The following EXOC4 variants were observed in gnomAD, a reference collection of about 807,000 sequenced individuals.
The protein encoded by EXOC4 is SEC8-like 1.
In EXOC4, 71 loss-of-function variants were observed where a neutral mutation model predicts 107.2. The ratio of observed to expected loss-of-function variants is 0.66; its 90% CI spans 0.55 to 0.81. The LOEUF is 0.81. Among genes scored for constraint, EXOC4 ranks in the 30% least tolerant of loss-of-function variants. EXOC4 has a pLI of 0.00. For missense variants in EXOC4, 1,108 were observed against 1,189.6 expected (o/e 0.93, Z 1.01); for synonymous variants, 456 against 441.2 (o/e 1.03, Z -0.42).
intron 17 of EXOC4, among the ~76,000 whole-genome samples, chr7:134,046,610 T>A (rs2116556761): frequency 6.6e-6 from 1 of 151,946 alleles, no homozygotes; most frequent in Non-Finnish European, 1.5e-5. Context: ...AGGTAGTAAG[T>A]ACGTGGTCCC....
intron 10 of EXOC4, among the ~76,000 whole-genome samples, chr7:133,765,476 T>C (rs972689000): frequency 6.6e-6 from 1 of 152,016 alleles, no homozygotes. Flanking sequence ...GAAAGCTCTA[T>C]GTGTGTCTCC....
Position 134,055,311 on chromosome 7 carries a change from C to T in EXOC4, c.2688-8980C>T, listed in dbSNP as rs191671355. Among the ~76,000 whole-genome samples, 369 of 152,240 alleles carry T rather than the reference C, an allele frequency of 2.4e-3. 1 individual carries two copies. Among genetic ancestry groups the T allele is most frequent in the African/African-American group, 8.7e-3 (360 of 41,538 alleles). ...ATAGCAGTCCTTGCGTCTTAAGACT[C>T]CCAGAGGCTGTAGTGGGTTGCAGTG... is the stretch of plus-strand genomic sequence containing the variant. On this transcript the variant is annotated intron_variant, in intron 17 of 17. Coordinates refer to ENST00000253861, the MANE Select transcript of EXOC4 (RefSeq NM_021807.4).
At chr7:133,441,727 A>G (rs1798108246) in intron 7 of EXOC4, among the ~76,000 whole-genome samples, 1 of 152,150 alleles carries the variant, frequency 6.6e-6, no homozygotes, top group Admixed American at 6.5e-5. Flanking sequence ...AGAGGCATTT[A>G]TCACTTCCTC....
At chr7:133,946,790 C>T (rs1236675972) in intron 14 of EXOC4, among the ~76,000 whole-genome samples, 1 of 152,176 alleles carries the variant, frequency 6.6e-6, no homozygotes, top group Non-Finnish European at 1.5e-5. Context: ...TGGGGTTCCC[C>T]GTGTTCCTTG....
At position 133,785,980 on chromosome 7, in the gene EXOC4, CAT is replaced by C. The variant is rs1181403926; in HGVS notation, c.1515-31344_1515-31343del. 8.5e-5 allele frequency among the ~76,000 whole-genome samples: 13 copies of C among 152,304 alleles called. No individual in the cohort carries two copies. In the South Asian group the frequency reaches 2.3e-3, roughly 27 times the overall value. ...CACTGTGTCTGGCCAGAAATGGACA[CAT>C]GTTTTATTTCCTTGGTTTCACTTTA... is the stretch of plus-strand genomic sequence containing the variant. On this transcript the variant is annotated intron_variant, in intron 10 of 17. Coordinates refer to ENST00000253861, the MANE Select transcript of EXOC4 (RefSeq NM_021807.4).
chr7:133,346,270 G>T (rs1427689018), intron 5 of EXOC4, among the ~76,000 whole-genome samples: 1 of 152,000 alleles, frequency 6.6e-6, no homozygotes, highest in Non-Finnish European at 1.5e-5. Flanking sequence ...GGCTCACCTG[G>T]CCTGTGGAGC....
At chr7:133,334,611 A>T (rs1042880674) in intron 5 of EXOC4, among the ~76,000 whole-genome samples, 1 of 152,058 alleles carries the variant, frequency 6.6e-6, no homozygotes, top group African/African-American at 2.4e-5. Flanking sequence ...TACATAGGTA[A>T]ATGTGTGTCA....
chr7:133,970,524 A>G (rs1277463845), intron 14 of EXOC4, among the ~76,000 whole-genome samples: 1 of 152,066 alleles, frequency 6.6e-6, no homozygotes, highest in Non-Finnish European at 1.5e-5. Flanking sequence ...GACTGTGGAA[A>G]AAGCATAGTA....
At chr7:133,310,976 C>T (rs992259127) in intron 4 of EXOC4, among the ~76,000 whole-genome samples, 4 of 152,060 alleles carry the variant, frequency 2.6e-5, no homozygotes, top group East Asian at 1.9e-4. Context: ...AAGGCACTTA[C>T]GTATAAAGAA....
chr7:133,277,056 G>A (rs961236346), intron 2 of EXOC4, among the ~76,000 whole-genome samples: 2 of 151,970 alleles, frequency 1.3e-5, no homozygotes, highest in Non-Finnish European at 2.9e-5. Context: ...CCGCCTCCCG[G>A]GTTCAAGCGA....
chr7:133,335,799 A>G (rs1584824639), intron 5 of EXOC4, among the ~76,000 whole-genome samples: 1 of 152,206 alleles, frequency 6.6e-6, no homozygotes, highest in African/African-American at 2.4e-5. Context: ...ATTCTCACCA[A>G]CAGTGTGTAA....
At chr7:133,994,022 G>A (rs1306030746) in intron 14 of EXOC4, among the ~76,000 whole-genome samples, 1 of 152,200 alleles carries the variant, frequency 6.6e-6, no homozygotes, top group Non-Finnish European at 1.5e-5. Context: ...CGCCAAAAAG[G>A]CAGTGTCTGC....
At chr7:133,719,213 G>A (rs1009378429) in intron 10 of EXOC4, among the ~76,000 whole-genome samples, 2 of 152,128 alleles carry the variant, frequency 1.3e-5, no homozygotes, top group South Asian at 2.1e-4. Flanking sequence ...TGCCATCCAC[G>A]TAAGATGTGA....
intron 12 of EXOC4, among the ~76,000 whole-genome samples, chr7:133,897,754 A>G (rs1016959293): frequency 2.0e-5 from 3 of 151,902 alleles, no homozygotes; most frequent in East Asian, 1.9e-4. Flanking sequence ...ATGAGCTACA[A>G]TTGGATGTTC....
chr7:133,308,521 C>G (rs1315121757), intron 4 of EXOC4, among the ~76,000 whole-genome samples: 4 of 152,144 alleles, frequency 2.6e-5, no homozygotes, highest in African/African-American at 9.7e-5. Context: ...AGACTTCCAG[C>G]CTGCAGAACT....
intron 17 of EXOC4, among the ~76,000 whole-genome samples, chr7:134,052,636 A>G (rs1172634522): frequency 1.3e-5 from 2 of 152,244 alleles, no homozygotes; most frequent in Non-Finnish European, 2.9e-5. Context: ...ATTATATCAC[A>G]TAGCAGGTGT....
intron 10 of EXOC4, among the ~76,000 whole-genome samples, chr7:133,696,929 A>C (rs1794548074): frequency 6.6e-6 from 1 of 152,204 alleles, no homozygotes; most frequent in African/African-American, 2.4e-5. Context: ...AATCATGTGC[A>C]ATAATTCATT....
intron 10 of EXOC4, among the ~76,000 whole-genome samples, chr7:133,795,052 G>C (rs1039628926): frequency 6.6e-6 from 1 of 151,476 alleles, no homozygotes; most frequent in Non-Finnish European, 1.5e-5. Flanking sequence ...TAAATGGTAC[G>C]TTGAAGAGAC....
At chr7:133,858,500 G>C (rs993732492) in intron 11 of EXOC4, among the ~76,000 whole-genome samples, 1 of 152,110 alleles carries the variant, frequency 6.6e-6, no homozygotes, top group African/African-American at 2.4e-5. Context: ...GGATTCTCCC[G>C]GAGACTGACA....
Sources: allele counts gnomAD v4.1 joint callset (sites outside exome capture counted in the v4.1 genomes callset), GRCh38; gene constraint gnomAD v4.1.1; transcripts MANE v1.5; gene names NCBI Gene and HGNC (gene_info 2026-07-23, HGNC 2026-07-21).